The following BMX variants were observed in gnomAD, a reference collection of about 807,000 sequenced individuals.
BMX encodes cytoplasmic tyrosine-protein kinase BMX.
Under a neutral mutation model 59.2 loss-of-function variants are expected in BMX, and 31 were observed. That is an observed-to-expected ratio of 0.52 (90% CI 0.39 to 0.71). The LOEUF (loss-of-function observed/expected upper bound fraction) is 0.71, where lower values mean the gene tolerates loss of function less well. Ranked by LOEUF, BMX falls within the 30% of genes least tolerant of loss-of-function variation. The probability of loss-of-function intolerance (pLI) is 0.00; values close to 1 mark genes in which losing one functional copy is unlikely to be tolerated. For missense variants in BMX, 474 were observed against 491.7 expected, an observed-to-expected ratio of 0.96 and a Z score of 0.34; for synonymous variants, 185 against 181.0, an observed-to-expected ratio of 1.02 and a Z score of -0.18.
At position 15,534,242 on chromosome X, in the gene BMX, C is replaced by T. The variant is rs756973630; in HGVS notation, c.1050C>T (p.His350=). Residue 350 remains histidine (H), a synonymous_variant, in exon 12 of 19, where the codon CAC becomes CAT. Coordinates refer to ENST00000348343, the MANE Select transcript of BMX (RefSeq NM_203281.3). The part of the protein sequence containing the change: ...NDKKGTVKHY[H]VHTNAENKLY... ...AAAAAGGAACTGTCAAACATTACCA[C>T]GTGCATACAAATGCTGAGAACAAAT... 2.3e-5 allele frequency: 27 copies of T among 1,177,459 alleles called. No homozygotes were observed. In the East Asian group the frequency reaches 5.0e-4, roughly 22 times the overall value.
intron 16 of BMX, 108 bp downstream of exon 16, chrX:15,543,243 G>T: frequency 1.4e-6 from 1 of 738,133 alleles, no homozygotes; most frequent in South Asian, 3.5e-5. Context: ...TCTGAATTGG[G>T]GGCTTAGAAA....
In BMX at chrX:15,556,056, T is replaced by G; in HGVS notation, c.1954-17T>G. The G allele has an allele frequency of 2.5e-6, 3 of 1,193,286 alleles. No individual in the cohort carries two copies. The highest frequency in any genetic ancestry group is 3.4e-6 in the Non-Finnish European group (3 of 884,078). ...CTCATCATCTAAAACATTGGGTTTC[T>G]TGTTGTTTTTGTTTAGCTTCCAGAA... On this transcript the variant is annotated splice_polypyrimidine_tract_variant and intron_variant, in intron 18 of 18. Coordinates refer to ENST00000348343, the MANE Select transcript of BMX (RefSeq NM_203281.3).
chrX:15,509,867 A>G (rs1416829332), intron 3 of BMX, among the ~76,000 whole-genome samples: 1 of 111,819 alleles, frequency 8.9e-6, no homozygotes. Context: ...GCATCCATGG[A>G]GTCCCAGGAT....
At chrX:15,546,721 G>A in intron 16 of BMX, 82 bp from the exon 17 acceptor site, 1 of 768,665 alleles carries the variant, frequency 1.3e-6, no homozygotes, top group African/African-American at 2.1e-5. Context: ...GCAATCGACT[G>A]AGACTCTGGG....
At chrX:15,531,149 C>A (rs1280912526) in intron 10 of BMX, among the ~76,000 whole-genome samples, 179 bp from the exon 11 acceptor site, 1 of 109,268 alleles carries the variant, frequency 9.2e-6, no homozygotes, top group Non-Finnish European at 1.9e-5. Flanking sequence ...AGGAAGAGTT[C>A]ATACACATAC....
At chrX:15,509,210 C>A in intron 2 of BMX, 119 bp from the exon 3 acceptor site, 2 of 110,398 alleles carry the variant, frequency 1.8e-5, no homozygotes, top group Non-Finnish European at 2.0e-5. Context: ...TAGGAAGTGA[C>A]TCTCCATTGC....
intron 10 of BMX, among the ~76,000 whole-genome samples, chrX:15,530,537 G>A (rs192941916): frequency 8.9e-6 from 1 of 111,948 alleles, no homozygotes; most frequent in East Asian, 2.8e-4. Context: ...TGTTGTGTTT[G>A]CTAAGGTCCT....
intron 14 of BMX, among the ~76,000 whole-genome samples, chrX:15,539,216 TA>T (rs1925532332): frequency 9.0e-6 from 1 of 110,682 alleles, no homozygotes; most frequent in Admixed American, 9.6e-5. Context: ...TGTCTTGGTG[TA>T]ACTTTAAAAC....
At chrX:15,550,919 CA>C (rs1926168333) in intron 18 of BMX, among the ~76,000 whole-genome samples, 1 of 111,248 alleles carries the variant, frequency 9.0e-6, no homozygotes, top group African/African-American at 3.3e-5. Flanking sequence ...GAAATCTCTA[CA>C]AAATTTCCTA....
chrX:15,544,797 T>C (rs974198687), intron 16 of BMX, among the ~76,000 whole-genome samples: 2 of 110,607 alleles, frequency 1.8e-5, no homozygotes, highest in African/African-American at 6.6e-5. Flanking sequence ...AGCTGAGGGG[T>C]TCTGGGGAGA....
At chrX:15,516,336 G>T (rs1214442124) in intron 5 of BMX, 105 bp downstream of exon 5, 4 of 1,047,805 alleles carry the variant, frequency 3.8e-6, no homozygotes, top group South Asian at 4.9e-5. Flanking sequence ...AGATGTGCCA[G>T]ATTGGTTGGC....
intron 18 of BMX, among the ~76,000 whole-genome samples, chrX:15,550,984 A>G (rs1036590285): frequency 6.6e-4 from 73 of 111,185 alleles, no homozygotes; most frequent in African/African-American, 2.4e-3. Context: ...CAGCACAAGC[A>G]AAGGTGTGGA....
intron 6 of BMX, among the ~76,000 whole-genome samples, chrX:15,520,325 G>C (rs1035166821): frequency 3.6e-5 from 4 of 111,977 alleles, no homozygotes; most frequent in African/African-American, 1.3e-4. Flanking sequence ...GAAACGCCCA[G>C]ATTAGGCAAA....
chrX:15,515,548 T>C (rs1029306174), intron 4 of BMX, among the ~76,000 whole-genome samples: 6 of 111,407 alleles, frequency 5.4e-5, no homozygotes, highest in South Asian at 3.7e-4. Flanking sequence ...ATAATACATA[T>C]GTACAGAGAG....
At chrX:15,518,276 G>T (rs1227520493) in intron 6 of BMX, among the ~76,000 whole-genome samples, 1 of 110,357 alleles carries the variant, frequency 9.1e-6, no homozygotes, top group Admixed American at 9.6e-5. Context: ...GGGTGCATGC[G>T]GGAGATGTCC....
chrX:15,505,891 A>C (rs1923721530), intron 1 of BMX, among the ~76,000 whole-genome samples: 1 of 111,606 alleles, frequency 9.0e-6, no homozygotes, highest in Admixed American at 9.5e-5. Context: ...TGTGATGCAC[A>C]TAAAAGTTTT....
intron 6 of BMX, among the ~76,000 whole-genome samples, chrX:15,521,803 C>T (rs1307015380): frequency 1.8e-5 from 2 of 111,698 alleles, no homozygotes; most frequent in African/African-American, 3.3e-5. Context: ...TCTCGAAATC[C>T]TTAATTACAA....
chrX:15,552,107 G>A (rs1926228746), intron 18 of BMX, among the ~76,000 whole-genome samples: 1 of 112,051 alleles, frequency 8.9e-6, no homozygotes, highest in African/African-American at 3.2e-5. Flanking sequence ...TTTGTCCTTT[G>A]CTATCTGTGT....
chrX:15,518,659 T>C (rs1329484629), intron 6 of BMX, among the ~76,000 whole-genome samples: 2 of 111,419 alleles, frequency 1.8e-5, no homozygotes, highest in Non-Finnish European at 3.8e-5. Context: ...CTGCATCACC[T>C]GGCAGCATGC....
Sources: gnomAD v4.1 joint callset for allele counts (sites outside exome capture counted in the v4.1 genomes callset) on GRCh38, gnomAD v4.1.1 for gene constraint, MANE v1.5 for transcripts, NCBI Gene and HGNC (gene_info 2026-07-23, HGNC 2026-07-21) for gene names.